SAFB: variants seen among roughly 807,000 people sequenced by gnomAD.
SAFB encodes scaffold attachment factor B1.
In SAFB, 15 loss-of-function variants were observed where a neutral mutation model predicts 101.6. The ratio of observed to expected loss-of-function variants is 0.15; its 90% CI spans 0.10 to 0.23. The LOEUF is 0.23. Among genes scored for constraint, SAFB ranks in the 10% least tolerant of loss-of-function variants. The pLI is 1.00. For missense variants in SAFB, 930 were observed against 1,104.1 expected, an observed-to-expected ratio of 0.84 and a Z score of 2.23; for synonymous variants, 449 against 407.5, an observed-to-expected ratio of 1.10 and a Z score of -1.23.
intron 4 of SAFB, among the ~76,000 whole-genome samples, chr19:5,644,416 G>A (rs1020276724): frequency 1.3e-5 from 2 of 152,226 alleles, no homozygotes; most frequent in African/African-American, 4.8e-5. Context: ...TGACACTTGG[G>A]GAGGGTTCAG....
rs186889818 is a variant in SAFB at position 5,637,374 on chromosome 19, C to T, written c.275-4220C>T. ...AAAAAAAAAAAAATTGATTTTCAGG[C>T]TGGATGTGGTGACTCGTGCCTGTAA... On this transcript the variant is annotated intron_variant, in intron 2 of 20. Transcript: ENST00000588852. Among the ~76,000 whole-genome samples the T allele has an allele frequency of 1.6e-3, 244 of 150,070 alleles. 2 individuals are homozygous for T. Among genetic ancestry groups the T allele is most frequent in the African/African-American group, 5.5e-3 (223 of 40,636 alleles).
intron 15 of SAFB, among the ~76,000 whole-genome samples, chr19:5,662,174 C>T (rs931240316): frequency 1.3e-5 from 2 of 152,138 alleles, no homozygotes; most frequent in African/African-American, 4.8e-5. Flanking sequence ...TGTGAGCCAC[C>T]GCGACCGGCC....
chr19:5,647,532 A>G (rs186623031), intron 5 of SAFB, among the ~76,000 whole-genome samples: 1 of 152,224 alleles, frequency 6.6e-6, no homozygotes. Context: ...GAGGGAGGGT[A>G]TTTACAAAGT....
intron 2 of SAFB, among the ~76,000 whole-genome samples, chr19:5,636,425 C>T (rs1044839956): frequency 5.9e-5 from 9 of 151,912 alleles, no homozygotes; most frequent in East Asian, 5.8e-4. Context: ...TTTTAGACCT[C>T]GAGGCATGTT....
chr19:5,655,669 C>G (rs1417236311), intron 13 of SAFB, among the ~76,000 whole-genome samples: 1 of 152,070 alleles, frequency 6.6e-6, no homozygotes, highest in Non-Finnish European at 1.5e-5. Flanking sequence ...GGAGGAGGAA[C>G]CATTTCACTT....
At chr19:5,645,460 C>T in intron 5 of SAFB, 61 bp downstream of exon 5, 1 of 792,366 alleles carries the variant, frequency 1.3e-6, no homozygotes, top group South Asian at 1.5e-5. Context: ...TTTCTGGAAT[C>T]CATTTCAGAC....
At chr19:5,633,803 C>G (rs2053541416) in intron 2 of SAFB, among the ~76,000 whole-genome samples, 1 of 151,482 alleles carries the variant, frequency 6.6e-6, no homozygotes, top group African/African-American at 2.4e-5. Flanking sequence ...AAAAAAGAAA[C>G]CAGGGTCTTG....
Position 5,654,423 on chromosome 19 carries a change from G to C in SAFB, c.1722G>C (p.Val574=). ...TGGATAAATCCAAAGGGGTGCCTGT[G>C]ATTAGTGTAAAAACGTCCGGGTCCA... The part of the protein sequence containing the change: ...VVMDKSKGVP[V]ISVKTSGSKE... The change falls in exon 13 of 21, where the codon GTG becomes GTC. Residue 574 remains valine (V), a synonymous_variant. Coordinates refer to ENST00000588852, the MANE Select transcript of SAFB (RefSeq NM_001201338.2). 6.3e-7 allele frequency: 1 copy of C among 1,597,776 alleles called. No homozygotes were observed. The highest frequency in any genetic ancestry group is 8.5e-7 in the Non-Finnish European group (1 of 1,169,844).
At chr19:5,640,268 G>A (rs926143182) in intron 2 of SAFB, among the ~76,000 whole-genome samples, 7 of 151,518 alleles carry the variant, frequency 4.6e-5, no homozygotes, top group Admixed American at 6.6e-5. Flanking sequence ...AGATAAATTC[G>A]TGTTAAAACA....
rs545347630 is a variant in SAFB at position 5,668,334 on chromosome 19, G to A, written c.*43G>A. 20 of 1,595,622 alleles carry A rather than the reference G, an allele frequency of 1.3e-5. No homozygotes were observed. The South Asian group carries it at 2.1e-4, about 17-fold the overall frequency. Reference sequence around the variant, plus strand: ...TCCTGTCTCGTGGCAACAAGGCTATGTTCTGTTAGGAGTTACCTTAAACTG... The same window carrying A: ...TCCTGTCTCGTGGCAACAAGGCTATATTCTGTTAGGAGTTACCTTAAACTG... On this transcript the variant is annotated 3_prime_UTR_variant, in exon 21 of 21. Coordinates refer to ENST00000588852, the MANE Select transcript of SAFB (RefSeq NM_001201338.2).
At chr19:5,647,429 G>A (rs866122396) in intron 5 of SAFB, among the ~76,000 whole-genome samples, 1 of 152,208 alleles carries the variant, frequency 6.6e-6, no homozygotes, top group Non-Finnish European at 1.5e-5. Context: ...GGCAAGGATG[G>A]CACCAGCCTG....
intron 1 of SAFB, among the ~76,000 whole-genome samples, chr19:5,623,705 C>G (rs2053255807): frequency 6.6e-6 from 1 of 152,084 alleles, no homozygotes; most frequent in African/African-American, 2.4e-5. Flanking sequence ...TCCTCCGTAC[C>G]TGGAGGGGAG....
chr19:5,644,741 C>A (rs968265520), intron 4 of SAFB, among the ~76,000 whole-genome samples: 1 of 152,190 alleles, frequency 6.6e-6, no homozygotes, highest in African/African-American at 2.4e-5. Flanking sequence ...AACCCCCTTT[C>A]TTTGTTTGGG....
chr19:5,637,931 CA>C (rs2053628324), intron 2 of SAFB, among the ~76,000 whole-genome samples: 1 of 152,198 alleles, frequency 6.6e-6, no homozygotes, highest in South Asian at 2.1e-4. Flanking sequence ...GGAAGACAGT[CA>C]AAGAGTTTAA....
intron 8 of SAFB, 141 bp downstream of exon 8, chr19:5,650,116 TG>T (rs2053905009): frequency 1.5e-6 from 1 of 670,158 alleles, no homozygotes; most frequent in African/African-American, 1.8e-5. Context: ...CCTTCTCTGC[TG>T]TTACCGCTAC....
intron 2 of SAFB, among the ~76,000 whole-genome samples, chr19:5,636,602 A>G (rs2053601006): frequency 1.3e-5 from 2 of 152,130 alleles, no homozygotes; most frequent in Admixed American, 1.3e-4. Context: ...TTACAGTACA[A>G]ATAATTAGGT....
At chr19:5,636,746 G>C (rs2053603438) in intron 2 of SAFB, among the ~76,000 whole-genome samples, 1 of 151,818 alleles carries the variant, frequency 6.6e-6, no homozygotes, top group Non-Finnish European at 1.5e-5. Context: ...GTCTGACTCT[G>C]TCACCCAGGC....
At chr19:5,623,416 C>A (rs748788714) in intron 1 of SAFB, 22 bp downstream of exon 1, 1 of 1,608,292 alleles carries the variant, frequency 6.2e-7, no homozygotes, top group Non-Finnish European at 8.5e-7. Context: ...GCCCCGAGGG[C>A]GGGCACAGGG....
chr19:5,658,874 C>T (rs1182532541), intron 14 of SAFB, among the ~76,000 whole-genome samples: 3 of 149,102 alleles, frequency 2.0e-5, no homozygotes, highest in Admixed American at 1.3e-4. Context: ...GGGCCGGGCG[C>T]GGTGGCTCAC....
Sources: allele counts gnomAD v4.1 joint callset (sites outside exome capture counted in the v4.1 genomes callset), GRCh38; gene constraint gnomAD v4.1.1; transcripts MANE v1.5; gene names NCBI Gene and HGNC (gene_info 2026-07-23, HGNC 2026-07-21).